Variants in TESC observed in about 807,000 individuals in gnomAD.
The protein encoded by TESC is tescalcin, also known as calcineurin B homologous protein 3.
In TESC, 19 loss-of-function variants were observed where a neutral mutation model predicts 31.0. That is an observed-to-expected ratio of 0.61 (90% CI 0.43 to 0.90). The LOEUF is 0.90. TESC is among the 40% of genes least tolerant of loss of function. The probability of loss-of-function intolerance (pLI) is 0.00; values close to 1 mark genes in which losing one functional copy is unlikely to be tolerated. For missense variants in TESC, 248 were observed against 303.8 expected, an observed-to-expected ratio of 0.82 and a Z score of 1.36; for synonymous variants, 109 against 114.8, an observed-to-expected ratio of 0.95 and a Z score of 0.32.
rs1356210675 is a variant in TESC, at chr12:117,075,955, A to ATGTATG, written c.59-616_59-615insCATACA. On this transcript the variant is annotated intron_variant, in intron 1 of 7. Coordinates refer to ENST00000335209, the MANE Select transcript of TESC (RefSeq NM_017899.4). Reference sequence around the variant, plus strand: ...TATATATATATGTATATATACATATATATATATATATGTATGTATATATAT... The same window carrying ATGTATG: ...TATATATATATGTATATATACATATATGTATGTATATATATATGTATGTATATATAT... 2.4e-3 allele frequency among the ~76,000 whole-genome samples: 289 copies of ATGTATG among 119,294 alleles called. 14 individuals are homozygous for ATGTATG. The highest frequency in any genetic ancestry group is 0.011 in the African/African-American group (273 of 25,636). 78.3% of individuals were successfully genotyped at this position (119,294 alleles called of 152,430 possible). A position where few individuals can be genotyped will look rare whatever the true frequency, so the allele number is the denominator to read the frequency against.
In TESC at chr12:117,062,755, G is replaced by GT. The variant is rs573787166; in HGVS notation, c.129-5870dup. 2.6e-5 allele frequency among the ~76,000 whole-genome samples: 4 copies of GT among 152,272 alleles called. No homozygotes were observed. The South Asian group carries it at 8.3e-4, about 32-fold the overall frequency. On this transcript the variant is annotated intron_variant, in intron 2 of 7. Transcript: ENST00000335209. ...TCAGTTTCATGCTCCATCAATACTCGTGTCAGTTTTGTTTTCCTTCCTCCC... is the reference window on the plus strand; with the variant it reads ...TCAGTTTCATGCTCCATCAATACTCGTTGTCAGTTTTGTTTTCCTTCCTCCC...
At chr12:117,086,209 T>TA (rs931386280) in intron 1 of TESC, among the ~76,000 whole-genome samples, 16 of 152,140 alleles carry the variant, frequency 1.1e-4, no homozygotes, top group African/African-American at 3.6e-4. Flanking sequence ...TAGAAATAGA[T>TA]ACGGTGATGT....
intron 3 of TESC, among the ~76,000 whole-genome samples, chr12:117,055,077 A>T (rs1019048701): frequency 6.6e-5 from 10 of 152,142 alleles, no homozygotes; most frequent in Non-Finnish European, 1.5e-4. Flanking sequence ...CCTCTTTGTA[A>T]GCTTCACCAC....
At chr12:117,095,901 A>T (rs1955387496) in intron 1 of TESC, among the ~76,000 whole-genome samples, 4 of 152,056 alleles carry the variant, frequency 2.6e-5, no homozygotes. Context: ...ATTAAAAAAA[A>T]CTGTAAAAAA....
chr12:117,046,729 G>A lies in TESC; in HGVS notation c.411+48C>T, dbSNP rs370013814. The A allele has an allele frequency of 4.9e-4, 760 of 1,553,816 alleles. 2 individuals are homozygous for A. The African/African-American group carries it at 8.8e-3, about 18-fold the overall frequency. ...CTCCATCAGGGTCGTGGGGGGCAGA[G>A]GGGGAAGGCACCAGGAGCCCCGGGC... On this transcript the variant is annotated intron_variant, in intron 5 of 7. Transcript: ENST00000335209.
At chr12:117,060,682 C>T (rs148485833) in intron 2 of TESC, among the ~76,000 whole-genome samples, 57 of 152,300 alleles carry the variant, frequency 3.7e-4, no homozygotes, top group African/African-American at 1.2e-3. Context: ...CAGACAGGTT[C>T]GGCAACCTGC....
intron 1 of TESC, among the ~76,000 whole-genome samples, chr12:117,084,327 T>C (rs188994185): frequency 8.6e-4 from 131 of 152,060 alleles, no homozygotes; most frequent in African/African-American, 2.8e-3. Context: ...CAGAAAGGCA[T>C]GAAGTGAGAG....
At chr12:117,043,166 T>C (rs1199652681) in intron 6 of TESC, among the ~76,000 whole-genome samples, 1 of 151,970 alleles carries the variant, frequency 6.6e-6, no homozygotes, top group Non-Finnish European at 1.5e-5. Context: ...TGTGGGGTCA[T>C]ACGGAGAAAA....
At chr12:117,055,970 G>C (rs1035076179) in intron 3 of TESC, among the ~76,000 whole-genome samples, 1 of 150,992 alleles carries the variant, frequency 6.6e-6, no homozygotes, top group Non-Finnish European at 1.5e-5. Flanking sequence ...GCCCAGGCTG[G>C]AGTGCGGTGG....
In TESC at chr12:117,078,397, C is replaced by T. The variant is rs1213967255; in HGVS notation, c.59-3057G>A. ...AGGAGAATCGCTTGAGCCCGGGAGGCGGAGGTTGCAGTGAGCCAAAATCGC... is the reference window on the plus strand; with the variant it reads ...AGGAGAATCGCTTGAGCCCGGGAGGTGGAGGTTGCAGTGAGCCAAAATCGC... On this transcript the variant is annotated intron_variant, in intron 1 of 7. Coordinates refer to ENST00000335209, the MANE Select transcript of TESC (RefSeq NM_017899.4). 2.0e-5 allele frequency among the ~76,000 whole-genome samples: 3 copies of T among 152,000 alleles called. No individual in the cohort carries two copies. The East Asian group carries it at 5.8e-4, about 29-fold the overall frequency.
chr12:117,092,691 G>A (rs375034402), intron 1 of TESC, among the ~76,000 whole-genome samples: 21 of 152,332 alleles, frequency 1.4e-4, no homozygotes, highest in African/African-American at 4.6e-4. Context: ...TCTGAGGAGG[G>A]AGCCTGAGGT....
intron 2 of TESC, among the ~76,000 whole-genome samples, chr12:117,071,811 C>T (rs1593012110): frequency 6.6e-6 from 1 of 152,126 alleles, no homozygotes; most frequent in African/African-American, 2.4e-5. Flanking sequence ...CACAGAGAGG[C>T]CGCGCCAGCT....
chr12:117,052,889 CA>C (rs1954668007), intron 3 of TESC, among the ~76,000 whole-genome samples: 1 of 152,190 alleles, frequency 6.6e-6, no homozygotes, highest in South Asian at 2.1e-4. Flanking sequence ...ATGAGCTTTG[CA>C]AAATGCAAAT....
At chr12:117,097,670 C>A (rs1324116808) in intron 1 of TESC, among the ~76,000 whole-genome samples, 1 of 152,078 alleles carries the variant, frequency 6.6e-6, no homozygotes, top group Non-Finnish European at 1.5e-5. Context: ...AGTAAAATAT[C>A]CAACATAGTT....
chr12:117,073,467 A>C (rs1289168312), intron 2 of TESC, among the ~76,000 whole-genome samples: 1 of 152,234 alleles, frequency 6.6e-6, no homozygotes, highest in Non-Finnish European at 1.5e-5. Context: ...TGAGACCGTC[A>C]GAATCTGAGC....
chr12:117,094,938 C>T, intron 1 of TESC, among the ~76,000 whole-genome samples: 1 of 150,484 alleles, frequency 6.6e-6, no homozygotes, highest in Non-Finnish European at 1.5e-5. Context: ...ATTGCTTGAA[C>T]CCAGGAGGCA....
chr12:117,077,344 A>G (rs1955087776), intron 1 of TESC, among the ~76,000 whole-genome samples: 1 of 152,246 alleles, frequency 6.6e-6, no homozygotes, highest in Non-Finnish European at 1.5e-5. Context: ...ACCTTTCTGC[A>G]GGGAAATATG....
At chr12:117,056,292 G>A (rs552483209) in intron 3 of TESC, among the ~76,000 whole-genome samples, 2 of 150,046 alleles carry the variant, frequency 1.3e-5, no homozygotes, top group East Asian at 2.0e-4. Flanking sequence ...CCTGACCTCA[G>A]GTGATCCACC....
intron 3 of TESC, among the ~76,000 whole-genome samples, chr12:117,050,625 G>A (rs1251225212): frequency 6.6e-6 from 1 of 152,212 alleles, no homozygotes; most frequent in Non-Finnish European, 1.5e-5. Flanking sequence ...TCCAGCTCAG[G>A]TCTTGGCAGT....
Sources: allele counts gnomAD v4.1 joint callset (sites outside exome capture counted in the v4.1 genomes callset), GRCh38; gene constraint gnomAD v4.1.1; transcripts MANE v1.5; gene names NCBI Gene and HGNC (gene_info 2026-07-23, HGNC 2026-07-21).